CHD1L: variants seen among roughly 807,000 people sequenced by gnomAD.
CHD1L encodes the protein ATP-dependent chromatin remodeler CHD1L.
In CHD1L, 118 loss-of-function variants were observed where a neutral mutation model predicts 115.9. That is an observed-to-expected ratio of 1.02 (90% confidence interval 0.88 to 1.19). The LOEUF (loss-of-function observed/expected upper bound fraction) is 1.19. CHD1L is among the 50% of genes most tolerant of loss of function. CHD1L has a pLI of 0.00. For synonymous variants in CHD1L, 411 were observed against 387.1 expected (o/e 1.06, Z -0.72); for missense variants, 1,179 against 1,065.3 (o/e 1.11, Z -1.49).
At chr1:147,274,966 CCT>C (rs1363863565) in intron 12 of CHD1L, among the ~76,000 whole-genome samples, 1 of 152,168 alleles carries the variant, frequency 6.6e-6, no homozygotes, top group Non-Finnish European at 1.5e-5. Context: ...GCACTGCAGA[CCT>C]CTCATATTTA....
At chr1:147,289,712 T>C (rs1684756594) in intron 19 of CHD1L, among the ~76,000 whole-genome samples, 1 of 152,220 alleles carries the variant, frequency 6.6e-6, no homozygotes, top group Admixed American at 6.5e-5. Flanking sequence ...GATCCCCAAC[T>C]GCTCATTACA....
chr1:147,210,381 C>T, the CHD1L span: 1 of 152,224 alleles, frequency 6.6e-6, no homozygotes, highest in Non-Finnish European at 1.5e-5. Context: ...ACTTTTCCTA[C>T]ACTATGAAAC....
chr1:147,235,717 G>T, the CHD1L span, among the ~76,000 whole-genome samples: 1 of 152,178 alleles, frequency 6.6e-6, no homozygotes, highest in Non-Finnish European at 1.5e-5. Context: ...AGGTCATAGA[G>T]AGTTCTTAGG....
chr1:147,293,134 G>T (rs587751271), intron 20 of CHD1L, among the ~76,000 whole-genome samples: 1 of 93,998 alleles, frequency 1.1e-5, no homozygotes, highest in African/African-American at 3.0e-5. Context: ...TCTCCAGCTC[G>T]CCCACTTAGG....
At chr1:147,238,765 C>T (rs969289303), upstream of CHD1L, among the ~76,000 whole-genome samples, 15 of 152,214 alleles carry the variant, frequency 9.9e-5, no homozygotes, top group African/African-American at 3.4e-4. Flanking sequence ...CTCATTCAAA[C>T]ATTCAACAAT....
chr1:147,275,357 G>A lies in CHD1L; in HGVS notation c.1274G>A (p.Gly425Glu). 6.2e-7 allele frequency: 1 copy of A among 1,611,528 alleles called. No homozygotes were observed. Among genetic ancestry groups the A allele is most frequent in the South Asian group, 1.1e-5 (1 of 91,014 alleles). Residue 425 changes from glycine to glutamate, a missense_variant, in exon 13 of 23, where the codon GGA becomes GAA. Gly to Glu is a moderately conservative substitution (Grantham distance 98). Coordinates refer to ENST00000369258, the MANE Select transcript of CHD1L (RefSeq NM_004284.6). ...FVFLLSTRAG[G>E]VGMNLTAADT... ...TTCCTTTTTGCATTGTTTTCAGGTGGAGTTGGCATGAACTTAACAGCAGCA... is the reference window on the plus strand; with the variant it reads ...TTCCTTTTTGCATTGTTTTCAGGTGAAGTTGGCATGAACTTAACAGCAGCA...
the CHD1L span, chr1:147,225,388 C>T: frequency 4.7e-6 from 1 of 214,448 alleles, no homozygotes; most frequent in Admixed American, 5.1e-5. Context: ...GGACAAACAG[C>T]GAGAGCCAAC....
At chr1:147,198,850 CAA>C in the CHD1L span, among the ~76,000 whole-genome samples, 8 of 51,764 alleles carry the variant, frequency 1.5e-4, no homozygotes, top group African/African-American at 2.1e-4. Flanking sequence ...GACTGCATCT[CAA>C]AAAAAAAAAA....
the CHD1L span, among the ~76,000 whole-genome samples, chr1:147,196,934 T>C: frequency 6.6e-6 from 1 of 152,182 alleles, no homozygotes; most frequent in African/African-American, 2.4e-5. Flanking sequence ...TCTCATGCTG[T>C]CTTACTGAGA....
chr1:147,267,572 A>C, intron 9 of CHD1L, 54 bp downstream of exon 9: 1 of 1,360,648 alleles, frequency 7.3e-7, no homozygotes, highest in Non-Finnish European at 1.0e-6. Flanking sequence ...TTCTGTGGCC[A>C]AATCATACCA....
chr1:147,279,971 C>A lies in CHD1L; in HGVS notation c.1540-55C>A, dbSNP rs1559851722. 3.0e-5 allele frequency: 48 copies of A among 1,586,678 alleles called. 1 individual carries two copies. The South Asian group carries it at 5.2e-4, about 17-fold the overall frequency. The stretch of plus-strand genomic sequence containing the variant: ...AATCCACTTAGCCAATCACTGATAT[C>A]CTAATGTTTCTTTTCATGAGAATTT... On this transcript the variant is annotated intron_variant, in intron 14 of 22. Coordinates refer to ENST00000369258, the MANE Select transcript of CHD1L (RefSeq NM_004284.6).
chr1:147,278,256 C>G (rs1400593861), intron 14 of CHD1L, among the ~76,000 whole-genome samples: 4 of 101,994 alleles, frequency 3.9e-5, no homozygotes, highest in African/African-American at 1.6e-4. Flanking sequence ...GACAGAGTCT[C>G]GTTCTGTTGC....
intron 12 of CHD1L, among the ~76,000 whole-genome samples, chr1:147,274,260 A>T (rs1204052520): frequency 6.6e-6 from 1 of 152,202 alleles, no homozygotes; most frequent in Non-Finnish European, 1.5e-5. Context: ...AAAGGAGTTA[A>T]TATAGAGAGA....
rs1266400961 is a variant in CHD1L, at chr1:147,295,573, A to G, written c.*64A>G. The stretch of plus-strand genomic sequence containing the variant: ...CTAATATTTACCCAGAGGTACTGCA[A>G]TAGAGTATTTCAAAATGGAATCAGG... On this transcript the variant is annotated 3_prime_UTR_variant, in exon 23 of 23. Transcript: ENST00000369258. The G allele has an allele frequency of 1.7e-6, 2 of 1,174,038 alleles. No homozygotes were observed. The highest frequency in any genetic ancestry group is 3.1e-5 in the African/African-American group (2 of 64,904). The allele number at this position is 1,174,038 out of a possible 1,614,324, so 72.7% of individuals were successfully genotyped here.
At chr1:147,247,347 C>T (rs1371068058) in intron 1 of CHD1L, among the ~76,000 whole-genome samples, 1 of 152,088 alleles carries the variant, frequency 6.6e-6, no homozygotes, top group Non-Finnish European at 1.5e-5. Flanking sequence ...CAAATCCTTC[C>T]TGAATAGATT....
At chr1:147,280,926 C>T (rs1680595624) in intron 15 of CHD1L, among the ~76,000 whole-genome samples, 1 of 152,064 alleles carries the variant, frequency 6.6e-6, no homozygotes, top group Non-Finnish European at 1.5e-5. Context: ...CTTAATTCAC[C>T]AGTACTTTCT....
intron 14 of CHD1L, among the ~76,000 whole-genome samples, chr1:147,278,988 AG>A (rs1679751206): frequency 6.6e-6 from 1 of 152,188 alleles, no homozygotes; most frequent in South Asian, 2.1e-4. Context: ...CATAAGTACA[AG>A]GGGGTGAAAG....
At chr1:147,283,642 A>G (rs1553963357) in intron 15 of CHD1L, among the ~76,000 whole-genome samples, 2 of 152,228 alleles carry the variant, frequency 1.3e-5, no homozygotes, top group Admixed American at 6.5e-5. Flanking sequence ...GCTATTCAAG[A>G]TGACACTATT....
intron 17 of CHD1L, among the ~76,000 whole-genome samples, chr1:147,285,720 A>G (rs587744192): frequency 9.1e-4 from 139 of 152,082 alleles, no homozygotes; most frequent in Middle Eastern, 3.4e-3. Flanking sequence ...TTCTTTTGAG[A>G]TGGGTTCTTG....
Sources: allele counts gnomAD v4.1 joint callset (sites outside exome capture counted in the v4.1 genomes callset), GRCh38; gene constraint gnomAD v4.1.1; transcripts MANE v1.5; gene names NCBI Gene and HGNC (gene_info 2026-07-23, HGNC 2026-07-21).